The following NELL1 variants were observed in gnomAD, a reference collection of about 807,000 sequenced individuals.
NELL1 encodes neural EGFL like 1.
A neutral mutation model predicts 107.4 loss-of-function variants in NELL1; 76 were observed. The observed-to-expected ratio is 0.71, with a 90% confidence interval of 0.59 to 0.86. NELL1 has a LOEUF of 0.86. NELL1 is among the 40% of genes least tolerant of loss of function. The probability of loss-of-function intolerance (pLI) is 0.00; values close to 1 mark genes in which losing one functional copy is unlikely to be tolerated. For missense variants in NELL1, 1,024 were observed against 1,005.5 expected, an observed-to-expected ratio of 1.02 and a Z score of -0.25; for synonymous variants, 353 against 341.2, an observed-to-expected ratio of 1.03 and a Z score of -0.38.
chr11:21,549,149 A>G (rs1205783793), intron 16 of NELL1, among the ~76,000 whole-genome samples: 1 of 151,840 alleles, frequency 6.6e-6, no homozygotes, highest in Non-Finnish European at 1.5e-5. Context: ...ACTTTGGTAG[A>G]AATGTTTGAG....
chr11:20,929,323 G>T (rs953626767), intron 9 of NELL1, among the ~76,000 whole-genome samples: 2 of 152,132 alleles, frequency 1.3e-5, no homozygotes, highest in Non-Finnish European at 2.9e-5. Flanking sequence ...CTATCATTCT[G>T]CCAGGAACAG....
At chr11:21,136,582 T>C (rs1855748586) in intron 13 of NELL1, among the ~76,000 whole-genome samples, 1 of 152,194 alleles carries the variant, frequency 6.6e-6, no homozygotes, top group South Asian at 2.1e-4. Context: ...GTCCATAAGG[T>C]ACTTAATATT....
At chr11:20,769,779 C>T (rs1856605513) in intron 2 of NELL1, among the ~76,000 whole-genome samples, 1 of 152,152 alleles carries the variant, frequency 6.6e-6, no homozygotes, top group Admixed American at 6.5e-5. Flanking sequence ...CCACTTGTGC[C>T]TGGCTGTGCT....
At chr11:20,801,790 T>G (rs1313521182) in intron 3 of NELL1, among the ~76,000 whole-genome samples, 1 of 152,258 alleles carries the variant, frequency 6.6e-6, no homozygotes, top group Non-Finnish European at 1.5e-5. Flanking sequence ...TTCATTCTTC[T>G]GCATCTGCTG....
chr11:21,403,169 C>A (rs1385746138), intron 15 of NELL1, among the ~76,000 whole-genome samples: 1 of 151,696 alleles, frequency 6.6e-6, no homozygotes, highest in Non-Finnish European at 1.5e-5. Context: ...TGCAGAGCCC[C>A]TATTTTAGAG....
intron 14 of NELL1, among the ~76,000 whole-genome samples, chr11:21,362,273 T>C (rs1851093634): frequency 6.6e-6 from 1 of 152,148 alleles, no homozygotes; most frequent in African/African-American, 2.4e-5. Flanking sequence ...CTTTTGGTTC[T>C]AGCCACCCAG....
At chr11:21,153,220 G>A (rs998355251) in intron 13 of NELL1, among the ~76,000 whole-genome samples, 2 of 152,040 alleles carry the variant, frequency 1.3e-5, no homozygotes, top group African/African-American at 2.4e-5. Context: ...TTAACCAGAT[G>A]GACCATTCAT....
chr11:21,089,177 C>G (rs1854466691), intron 12 of NELL1, among the ~76,000 whole-genome samples: 1 of 152,122 alleles, frequency 6.6e-6, no homozygotes, highest in Non-Finnish European at 1.5e-5. Flanking sequence ...AATTCAGTGT[C>G]TATCCTGAGC....
At chr11:20,723,844 T>C (rs1793013) in intron 2 of NELL1, among the ~76,000 whole-genome samples, 147,657 of 152,296 alleles carry the variant, frequency 0.97, 71,732 homozygotes, top group Middle Eastern at 1. Context: ...TGTTTCCATA[T>C]ATCCTCTGAA....
At chr11:21,037,422 G>A (rs1853122746) in intron 12 of NELL1, among the ~76,000 whole-genome samples, 1 of 151,840 alleles carries the variant, frequency 6.6e-6, no homozygotes, top group Non-Finnish European at 1.5e-5. Flanking sequence ...GTGTAGGCCT[G>A]TGCTTATACA....
chr11:21,316,422 C>T (rs565226267), intron 14 of NELL1, among the ~76,000 whole-genome samples: 3 of 152,182 alleles, frequency 2.0e-5, no homozygotes, highest in Admixed American at 6.5e-5. Flanking sequence ...CCAAATCACT[C>T]AAAGGATAAT....
At chr11:21,486,791 G>C (rs762276462) in intron 15 of NELL1, among the ~76,000 whole-genome samples, 16 of 152,104 alleles carry the variant, frequency 1.1e-4, no homozygotes, top group Middle Eastern at 3.4e-3. Context: ...AAAAGAAGCA[G>C]AAATCTTGGA....
intron 10 of NELL1, among the ~76,000 whole-genome samples, chr11:20,943,924 G>C (rs560403128): frequency 1.5e-4 from 23 of 152,150 alleles, no homozygotes; most frequent in Admixed American, 7.2e-4. Context: ...CCTTGATAAA[G>C]GTAGCATTTA....
chr11:21,133,060 G>A (rs1387958264), intron 13 of NELL1, among the ~76,000 whole-genome samples: 1 of 152,034 alleles, frequency 6.6e-6, no homozygotes, highest in Non-Finnish European at 1.5e-5. Flanking sequence ...GGTCTTAGAC[G>A]GAAGTGAGGA....
intron 4 of NELL1, among the ~76,000 whole-genome samples, chr11:20,877,041 G>A (rs1187198320): frequency 1.3e-5 from 2 of 152,110 alleles, no homozygotes; most frequent in African/African-American, 2.4e-5. Flanking sequence ...CTTAGCATAA[G>A]GCCAAAAGAG....
chr11:21,551,449 G>T (rs1395186603), intron 16 of NELL1, among the ~76,000 whole-genome samples: 2 of 152,000 alleles, frequency 1.3e-5, no homozygotes, highest in East Asian at 3.9e-4. Flanking sequence ...TCCAGTTTTT[G>T]CCCATTCAGT....
At chr11:21,493,275 AC>A (rs1854879607) in intron 15 of NELL1, among the ~76,000 whole-genome samples, 3 of 152,152 alleles carry the variant, frequency 2.0e-5, no homozygotes, top group Non-Finnish European at 2.9e-5. Context: ...TCAAAAAGAT[AC>A]CTACATGTGC....
chr11:20,984,085 C>T (rs965904952), intron 12 of NELL1, among the ~76,000 whole-genome samples: 4 of 152,096 alleles, frequency 2.6e-5, no homozygotes, highest in Admixed American at 2.6e-4. Context: ...CAGTTAACTT[C>T]CCTGCCCAGT....
At chr11:20,695,082 T>C (rs1179860808) in intron 2 of NELL1, among the ~76,000 whole-genome samples, 3 of 152,094 alleles carry the variant, frequency 2.0e-5, no homozygotes, top group African/African-American at 7.2e-5. Flanking sequence ...GTCCTTGACT[T>C]GGCTCTCAGC....
Sources: gnomAD v4.1 joint callset for allele counts (sites outside exome capture counted in the v4.1 genomes callset) on GRCh38, gnomAD v4.1.1 for gene constraint, MANE v1.5 for transcripts, NCBI Gene and HGNC (gene_info 2026-07-23, HGNC 2026-07-21) for gene names.